Variants in GJD2 observed in about 807,000 individuals in gnomAD.
GJD2 encodes gap junction protein delta 2.
A neutral mutation model predicts 24.3 loss-of-function variants in GJD2; 12 were observed. The ratio of observed to expected loss-of-function variants is 0.49; its 90% CI spans 0.32 to 0.80. The LOEUF is 0.80. Among genes scored for constraint, GJD2 ranks in the 30% least tolerant of loss-of-function variants. GJD2 has a pLI of 0.04. For synonymous variants in GJD2, 171 were observed against 155.2 expected (o/e 1.10, Z -0.76); for missense variants, 268 against 402.4 (o/e 0.67, Z 2.86).
At chr15:34,753,737 C>A (rs2140414605) in intron 1 of GJD2, among the ~76,000 whole-genome samples, 1 of 152,200 alleles carries the variant, frequency 6.6e-6, no homozygotes, top group East Asian at 1.9e-4. Context: ...ATGGTGCATG[C>A]TTCGAGGTCT....
In GJD2 at chr15:34,751,552, C is replaced by T. The variant is rs2140413377; in HGVS notation, c.*926G>A. ...ACTATGTAAGAAAATGAGTGAGATA[C>T]ACCAGTTACAAATGCTGTGGCTCAG... On this transcript the variant is annotated 3_prime_UTR_variant, in exon 2 of 2. Transcript: ENST00000290374. 6.6e-6 allele frequency: 1 copy of T among 152,248 alleles called. No individual in the cohort carries two copies. The highest frequency in any genetic ancestry group is 1.9e-4 in the East Asian group (1 of 5,180). The allele number at this position is 152,248 out of a possible 1,614,324, so 9.4% of individuals were successfully genotyped here.
rs753978337 is a variant in GJD2 at position 34,752,287 on chromosome 15, C to T, written c.*191G>A. 1.2e-5 allele frequency: 7 copies of T among 599,366 alleles called. No individual in the cohort carries two copies. In the South Asian group the frequency reaches 1.2e-4, roughly 11 times the overall value. 37.1% of individuals were successfully genotyped at this position (599,366 alleles called of 1,614,324 possible). A position where few individuals can be genotyped will look rare whatever the true frequency, so the allele number is the denominator to read the frequency against. ...CTCTACCCAATCGTCTCTGTAGAAC[C>T]AATTAGGTGATATGTGAAAATGGGT... is the stretch of plus-strand genomic sequence containing the variant. On this transcript the variant is annotated 3_prime_UTR_variant, in exon 2 of 2. Coordinates refer to ENST00000290374, the MANE Select transcript of GJD2 (RefSeq NM_020660.3).
chr15:34,751,076 T>C lies in GJD2; in HGVS notation c.*1402A>G, dbSNP rs916170997. The C allele has an allele frequency of 9.9e-5, 15 of 152,238 alleles. No homozygotes were observed. The highest frequency in any genetic ancestry group is 2.9e-5 in the Non-Finnish European group (2 of 68,034). 9.4% of individuals were successfully genotyped at this position (152,238 alleles called of 1,614,324 possible). On this transcript the variant is annotated 3_prime_UTR_variant, in exon 2 of 2. Transcript: ENST00000290374. ...AACTTTATTTTAAACAAATCCTTAG[T>C]TGTGTGTTACACCATGTCCATATCT...
chr15:34,753,393 G>A (rs753824028), intron 1 of GJD2, 21 bp from the exon 2 acceptor site: 1 of 1,570,558 alleles, frequency 6.4e-7, no homozygotes, highest in South Asian at 1.2e-5. Flanking sequence ...GAAGAGGGAG[G>A]GAGAGAGGTT....
In GJD2 at chr15:34,754,683, A is replaced by G. The variant is rs1051385913; in HGVS notation, c.-195T>C. On this transcript the variant is annotated 5_prime_UTR_variant, in exon 1 of 2. Coordinates refer to ENST00000290374, the MANE Select transcript of GJD2 (RefSeq NM_020660.3). The surrounding 1 kb of genome is among the most constrained non-coding windows in gnomAD (Gnocchi z 5.9). ...GAGAAGAAATGGGGAAAGAAATCCA[A>G]GCGCGTCCCGACCGATGGGGCAGTT... 5.2e-6 allele frequency: 3 copies of G among 577,676 alleles called. No individual in the cohort carries two copies. The highest frequency in any genetic ancestry group is 9.5e-6 in the Non-Finnish European group (3 of 315,216). 35.8% of individuals were successfully genotyped at this position (577,676 alleles called of 1,614,324 possible).
rs1891114791 is a variant in GJD2, at chr15:34,752,302, T to G, written c.*176A>C. 1 of 611,620 alleles carries G rather than the reference T, an allele frequency of 1.6e-6. No homozygotes were observed. The highest frequency in any genetic ancestry group is 2.0e-5 in the South Asian group (1 of 49,044). 37.9% of individuals were successfully genotyped at this position (611,620 alleles called of 1,614,324 possible). A position where few individuals can be genotyped will look rare whatever the true frequency, so the allele number is the denominator to read the frequency against. On this transcript the variant is annotated 3_prime_UTR_variant, in exon 2 of 2. Coordinates refer to ENST00000290374, the MANE Select transcript of GJD2 (RefSeq NM_020660.3). ...TCTGTAGAACCAATTAGGTGATATG[T>G]GAAAATGGGTCCACTTTTCCTCCTT...
chr15:34,752,822 C>T lies in GJD2; in HGVS notation c.622G>A (p.Ala208Thr). Residue 208 changes from alanine (A) to threonine (T), a missense_variant, in exon 2 of 2, where the codon GCC becomes ACC. Ala to Thr is a moderately conservative substitution (Grantham distance 58). Transcript: ENST00000290374. ...CCAACCAGGAACCCAATTTCCAGGG[C>T]ATTTCGGAACACCACTTGGATAATG... ...FYIIQVVFRN[A>T]LEIGFLVGQY... The T allele has an allele frequency of 1.2e-6, 2 of 1,614,176 alleles. No homozygotes were observed. Among genetic ancestry groups the T allele is most frequent in the Non-Finnish European group, 1.7e-6 (2 of 1,180,022 alleles).
rs1399061207 is a variant in GJD2, at chr15:34,752,610, G to A, written c.834C>T (p.Arg278=). Residue 278 remains arginine (R), a synonymous_variant, in exon 2 of 2, where the codon CGC becomes CGT. Coordinates refer to ENST00000290374, the MANE Select transcript of GJD2 (RefSeq NM_020660.3). ...NLAELNHLGW[R]KIKLAVRGAQ... is the part of the protein sequence containing the mutation. ...CCCCTCGCACAGCCAGCTTGATCTTGCGCCATCCCAGGTGGTTGAGTTCAG... is the reference window on the plus strand; with the variant it reads ...CCCCTCGCACAGCCAGCTTGATCTTACGCCATCCCAGGTGGTTGAGTTCAG... 6.2e-7 allele frequency: 1 copy of A among 1,614,184 alleles called. No individual in the cohort carries two copies. Among genetic ancestry groups the A allele is most frequent in the Admixed American group, 1.7e-5 (1 of 60,018 alleles).
Position 34,753,147 on chromosome 15 carries a change from G to A in GJD2, c.297C>T (p.His99=), listed in dbSNP as rs1206507722. The change falls in exon 2 of 2, where the codon CAC becomes CAT. Residue 99 remains histidine (H), a synonymous_variant. Transcript: ENST00000290374. ...GGCGTTCTCGCTGCTTGGCGGACTG[G>A]TGCACAGAGTAGGTGATGAAGCAAA... is the stretch of plus-strand genomic sequence containing the variant. ...PSLCFITYSV[H]QSAKQRERRY... is the part of the protein sequence containing the mutation. 5 of 1,614,154 alleles carry A rather than the reference G, an allele frequency of 3.1e-6. No individual in the cohort carries two copies. In the South Asian group the frequency reaches 5.5e-5, roughly 18 times the overall value.
In GJD2 at chr15:34,752,657, T is replaced by C; in HGVS notation, c.787A>G (p.Ile263Val). 6.2e-7 allele frequency: 1 copy of C among 1,614,234 alleles called. No homozygotes were observed. Among genetic ancestry groups the C allele is most frequent in the Middle Eastern group, 1.6e-4 (1 of 6,062 alleles). The change falls in exon 2 of 2, where the codon ATC (isoleucine) becomes GTC (valine). Residue 263 changes from isoleucine (I) to valine (V), a missense_variant. Coordinates refer to ENST00000290374, the MANE Select transcript of GJD2 (RefSeq NM_020660.3). The part of the protein sequence containing the change: ...FLVFMFAVSG[I>V]CVVLNLAELN... The stretch of plus-strand genomic sequence containing the variant: ...TCAGCCAGGTTGAGCACAACACAGA[T>C]GCCACTTACAGCAAACATGAACACT...
rs1209416105 is a variant in GJD2 at position 34,754,697 on chromosome 15, G to C, written c.-209C>G. On this transcript the variant is annotated 5_prime_UTR_variant, in exon 1 of 2. The change creates a new upstream start codon in the 5' untranslated region. Transcript: ENST00000290374. This position sits in a 1 kb window ranked among gnomAD's most constrained non-coding sequence, Gnocchi z 5.9. Reference sequence around the variant, plus strand: ...AAAGAAATCCAAGCGCGTCCCGACCGATGGGGCAGTTGGCGCGGTCTAGAG... The same window carrying C: ...AAAGAAATCCAAGCGCGTCCCGACCCATGGGGCAGTTGGCGCGGTCTAGAG... 2.1e-5 allele frequency: 12 copies of C among 558,374 alleles called. No individual in the cohort carries two copies. The Admixed American group carries it at 3.0e-4, about 14-fold the overall frequency. 34.6% of individuals were successfully genotyped at this position (558,374 alleles called of 1,614,324 possible).
At chr15:34,753,838 G>A (rs957961156) in intron 1 of GJD2, among the ~76,000 whole-genome samples, 1 of 147,286 alleles carries the variant, frequency 6.8e-6, no homozygotes, top group African/African-American at 2.5e-5. Flanking sequence ...TAAGCAGATG[G>A]CTATGAATAT....
At chr15:34,753,964 A>G (rs1294470642) in intron 1 of GJD2, among the ~76,000 whole-genome samples, 1 of 136,032 alleles carries the variant, frequency 7.4e-6, no homozygotes, top group African/African-American at 2.8e-5. Context: ...TTACACCGCC[A>G]AATAAGTTTG....
rs1280199583 is a variant in GJD2 at position 34,754,630 on chromosome 15, TC to T, written c.-143del. The T allele has an allele frequency of 6.1e-6, 4 of 660,618 alleles. No individual in the cohort carries two copies. Among genetic ancestry groups the T allele is most frequent in the Admixed American group, 4.8e-5 (2 of 41,244 alleles). The allele number at this position is 660,618 out of a possible 1,614,324, so 40.9% of individuals were successfully genotyped here. On this transcript the variant is annotated 5_prime_UTR_variant, in exon 1 of 2. Transcript: ENST00000290374. This position sits in a 1 kb window ranked among gnomAD's most constrained non-coding sequence, Gnocchi z 5.9. ...AGCAATTTTTTAAAAAATCCTCGAATCCCCCTTTCCTTTTATTGTACTTAAA... is the reference window on the plus strand; with the variant it reads ...AGCAATTTTTTAAAAAATCCTCGAATCCCCTTTCCTTTTATTGTACTTAAA...
rs1891119960 is a variant in GJD2 at position 34,752,645 on chromosome 15, G to A, written c.799C>T (p.Leu267Phe). The A allele has an allele frequency of 6.2e-6, 10 of 1,614,200 alleles. No individual in the cohort carries two copies. The highest frequency in any genetic ancestry group is 8.5e-6 in the Non-Finnish European group (10 of 1,180,044). Residue 267 changes from leucine (L) to phenylalanine (F), a missense_variant, in exon 2 of 2, where the codon CTC (leucine) becomes TTC (phenylalanine). By Grantham distance (22) the Leu-to-Phe change is conservative (BLOSUM62 0). Around this residue, in one of 3 missense-constraint regions of GJD2, gnomAD observed 115 missense variants for 195.2 expected, o/e 0.59. Coordinates refer to ENST00000290374, the MANE Select transcript of GJD2 (RefSeq NM_020660.3). ...MFAVSGICVV[L>F]NLAELNHLGW... ...AGGTGGTTGAGTTCAGCCAGGTTGA[G>A]CACAACACAGATGCCACTTACAGCA...
rs908550461 is a variant in GJD2, at chr15:34,752,414, G to A, written c.*64C>T. The A allele has an allele frequency of 2.1e-5, 28 of 1,358,604 alleles. No individual in the cohort carries two copies. The highest frequency in any genetic ancestry group is 7.1e-5 in the African/African-American group (5 of 70,310). 84.2% of individuals were successfully genotyped at this position (1,358,604 alleles called of 1,614,324 possible). A position where few individuals can be genotyped will look rare whatever the true frequency, so the allele number is the denominator to read the frequency against. On this transcript the variant is annotated 3_prime_UTR_variant, in exon 2 of 2. Coordinates refer to ENST00000290374, the MANE Select transcript of GJD2 (RefSeq NM_020660.3). ...CATAAATGAGGGTGGATACAGCCAC[G>A]TCTGAGCAGTCATCTGCCTTGGGGC... is the stretch of plus-strand genomic sequence containing the variant.
Position 34,752,212 on chromosome 15 carries a change from A to C in GJD2, c.*266T>G. 1 of 477,724 alleles carries C rather than the reference A, an allele frequency of 2.1e-6. No individual in the cohort carries two copies. The allele number at this position is 477,724 out of a possible 1,614,324, so 29.6% of individuals were successfully genotyped here. ...AGTTCAGTGTTATCAGGATCAGGCT[A>C]GGCCATAAACAGAAAGGGACCAAAG... On this transcript the variant is annotated 3_prime_UTR_variant, in exon 2 of 2. Transcript: ENST00000290374.
Position 34,752,702 on chromosome 15 carries a change from T to C in GJD2, c.742A>G (p.Thr248Ala). The C allele has an allele frequency of 6.2e-7, 1 of 1,614,178 alleles. No individual in the cohort carries two copies. Among genetic ancestry groups the C allele is most frequent in the Non-Finnish European group, 8.5e-7 (1 of 1,180,022 alleles). Residue 248 changes from threonine to alanine, a missense_variant, in exon 2 of 2, where the codon ACT (threonine) becomes GCT (alanine). Coordinates refer to ENST00000290374, the MANE Select transcript of GJD2 (RefSeq NM_020660.3). ...KEVECYVSRP[T>A]EKTVFLVFMF... Reference sequence around the variant, plus strand: ...AACACTAGAAAGACAGTCTTCTCAGTTGGCCGGGACACATAACATTCCACC... The same window carrying C: ...AACACTAGAAAGACAGTCTTCTCAGCTGGCCGGGACACATAACATTCCACC...
chr15:34,752,439 C>T lies in GJD2; in HGVS notation c.*39G>A. ...GTCTGAGCAGTCATCTGCCTTGGGG[C>T]TCCTTGCCATCCCCCAGACCTTCAT... On this transcript the variant is annotated 3_prime_UTR_variant, in exon 2 of 2. Coordinates refer to ENST00000290374, the MANE Select transcript of GJD2 (RefSeq NM_020660.3). 3.8e-6 allele frequency: 6 copies of T among 1,568,824 alleles called. No homozygotes were observed. Among genetic ancestry groups the T allele is most frequent in the Non-Finnish European group, 5.2e-6 (6 of 1,148,196 alleles).
Sources: allele counts gnomAD v4.1 joint callset (sites outside exome capture counted in the v4.1 genomes callset), GRCh38; gene constraint gnomAD v4.1.1; regional missense constraint gnomAD v4.1.1; non-coding constraint Gnocchi (gnomAD v3.1); transcripts MANE v1.5; gene names NCBI Gene and HGNC (gene_info 2026-07-23, HGNC 2026-07-21).